The following GSK3A variants were observed in gnomAD, a reference collection of about 807,000 sequenced individuals.
GSK3A encodes glycogen synthase kinase-3 alpha.
Under a neutral mutation model 56.6 loss-of-function variants are expected in GSK3A, and 14 were observed. The observed-to-expected ratio is 0.25, with a 90% CI of 0.16 to 0.39. The LOEUF (loss-of-function observed/expected upper bound fraction) is 0.39. Ranked by LOEUF, GSK3A falls within the 10% of genes least tolerant of loss-of-function variation. The pLI, the probability that GSK3A is intolerant of heterozygous loss-of-function variation, is 1.00. For missense variants in GSK3A, 450 were observed against 656.0 expected (o/e 0.69, Z 3.43); for synonymous variants, 301 against 285.0 (o/e 1.06, Z -0.56).
chr19:42,236,046 C>T (rs1199280187), intron 4 of GSK3A, among the ~76,000 whole-genome samples: 1 of 152,092 alleles, frequency 6.6e-6, no homozygotes, highest in Non-Finnish European at 1.5e-5. Context: ...CTGTTCGCCA[C>T]ATCATCCCTG....
Position 42,233,101 on chromosome 19 carries a change from C to T in GSK3A, c.1098+9G>A, listed in dbSNP as rs2036234936. ...GCCATACTGCCCTGAGCCCCTAGCCCTGCCCCACCTTTGTCCAGGGGTGAG... is the reference window on the plus strand; with the variant it reads ...GCCATACTGCCCTGAGCCCCTAGCCTTGCCCCACCTTTGTCCAGGGGTGAG... On this transcript the variant is annotated intron_variant, in intron 8 of 10. Coordinates refer to ENST00000222330, the MANE Select transcript of GSK3A (RefSeq NM_019884.3). 2 of 1,563,062 alleles carry T rather than the reference C, an allele frequency of 1.3e-6. No individual in the cohort carries two copies. Among genetic ancestry groups the T allele is most frequent in the Non-Finnish European group, 1.7e-6 (2 of 1,148,930 alleles).
At chr19:42,238,136 G>A (rs971678290) in intron 2 of GSK3A, among the ~76,000 whole-genome samples, 1 of 151,978 alleles carries the variant, frequency 6.6e-6, no homozygotes. Flanking sequence ...GAAATCACTT[G>A]AGGCCAGGAG....
At chr19:42,235,002 C>A (rs1472349810) in intron 4 of GSK3A, among the ~76,000 whole-genome samples, 4 of 152,174 alleles carry the variant, frequency 2.6e-5, no homozygotes, top group African/African-American at 9.7e-5. Context: ...TGGTGCACAC[C>A]TGTAATCCCA....
Position 42,232,071 on chromosome 19 carries a change from G to C in GSK3A, c.1364C>G (p.Thr455Ser). Residue 455 changes from threonine to serine, a missense_variant, in exon 10 of 11, where the codon ACC (threonine) becomes AGC (serine). Around this residue, in one of 3 missense-constraint regions of GSK3A, gnomAD observed 113 missense variants for 147.5 expected, o/e 0.77. Coordinates refer to ENST00000222330, the MANE Select transcript of GSK3A (RefSeq NM_019884.3). The part of the protein sequence containing the change: ...LRSPAGTTTL[T>S]PSSQALTETP... Reference sequence around the variant, plus strand: ...TCCCCACTTACCTTGTGAGGACGGGGTGAGGGTGGTAGTGCCCGCTGGGGA... The same window carrying C: ...TCCCCACTTACCTTGTGAGGACGGGCTGAGGGTGGTAGTGCCCGCTGGGGA... 6.2e-7 allele frequency: 1 copy of C among 1,602,784 alleles called. No homozygotes were observed. The highest frequency in any genetic ancestry group is 8.5e-7 in the Non-Finnish European group (1 of 1,170,376).
chr19:42,242,002 G>A (rs765841502), intron 1 of GSK3A, 181 bp downstream of exon 1: 1 of 441,690 alleles, frequency 2.3e-6, no homozygotes, highest in Admixed American at 4.4e-5. Flanking sequence ...GAGTAATTCT[G>A]ATCTCCAAGA....
chr19:42,234,325 C>G lies in GSK3A; in HGVS notation c.904+28G>C. 6.5e-7 allele frequency: 1 copy of G among 1,545,302 alleles called. No homozygotes were observed. The highest frequency in any genetic ancestry group is 8.9e-7 in the Non-Finnish European group (1 of 1,117,824). ...CTCCAAAACTTCCCAGATTGCCACT[C>G]CCCCCGCCACCCTCCCATAACTCTG... On this transcript the variant is annotated intron_variant, in intron 6 of 10. Transcript: ENST00000222330. The surrounding 1 kb of genome is among the most constrained non-coding windows in gnomAD (Gnocchi z 5.7).
At position 42,233,266 on chromosome 19, in the gene GSK3A, AG is replaced by A; in HGVS notation, c.1002+19del. ...CATCCCTCAGCCCCACCCCCTGCCC[AG>A]CCCAGCCCCGCCCCTCACCTTGATG... On this transcript the variant is annotated intron_variant, in intron 7 of 10. Coordinates refer to ENST00000222330, the MANE Select transcript of GSK3A (RefSeq NM_019884.3). 8.0e-6 allele frequency: 3 copies of A among 373,144 alleles called. No homozygotes were observed. Among genetic ancestry groups the A allele is most frequent in the Non-Finnish European group, 1.4e-5 (3 of 220,870 alleles). The allele number at this position is 373,144 out of a possible 1,614,324, so 23.1% of individuals were successfully genotyped here.
intron 3 of GSK3A, 52 bp downstream of exon 3, chr19:42,236,806 G>A: frequency 3.3e-6 from 5 of 1,503,022 alleles, no homozygotes; most frequent in East Asian, 2.3e-5. Flanking sequence ...GGAAAGGCAG[G>A]CAGGCAGGAA....
In GSK3A at chr19:42,240,053, T is replaced by G. The variant is rs1472502410; in HGVS notation, c.373A>C (p.Ile125Leu). The G allele has an allele frequency of 6.2e-7, 1 of 1,614,068 alleles. No homozygotes were observed. ...ACGACCCCAAATGAGCCATTGCCAA[T>G]CACTTTGATGTCCGTGTAAGCCACT... ...QEVAYTDIKV[I>L]GNGSFGVVYQ... Residue 125 changes from isoleucine to leucine, a missense_variant, in exon 2 of 11, where the codon ATT becomes CTT. By Grantham distance (5) the Ile-to-Leu change is conservative. Coordinates refer to ENST00000222330, the MANE Select transcript of GSK3A (RefSeq NM_019884.3).
Position 42,242,225 on chromosome 19 carries a change from C to A in GSK3A, c.241G>T (p.Gly81Cys). Residue 81 changes from glycine (G) to cysteine (C), a missense_variant, in exon 1 of 11, where the codon GGC becomes TGC. This residue lies in a region of GSK3A where 193 missense variants were observed against 200.5 expected (regional missense o/e 0.96). Transcript: ENST00000222330. Reference sequence around the variant, plus strand: ...GGCGGCGGGAAGCTAGTGCCTGCGCCGGGGCCTCCGCTGCCTCCTCCGCCG... The same window carrying A: ...GGCGGCGGGAAGCTAGTGCCTGCGCAGGGGCCTCCGCTGCCTCCTCCGCCG... Reference protein sequence around the residue: ...GSGGGGSGGPGAGTSFPPPGV... With the variant: ...GSGGGGSGGPCAGTSFPPPGV... The A allele has an allele frequency of 6.9e-7, 1 of 1,442,686 alleles. No homozygotes were observed. Among genetic ancestry groups the A allele is most frequent in the Non-Finnish European group, 9.1e-7 (1 of 1,102,620 alleles). The allele number at this position is 1,442,686 out of a possible 1,614,324, so 89.4% of individuals were successfully genotyped here.
chr19:42,231,769 T>C (rs564659556), intron 10 of GSK3A, among the ~76,000 whole-genome samples: 1 of 148,524 alleles, frequency 6.7e-6, no homozygotes, highest in East Asian at 1.9e-4. Flanking sequence ...GAAACTCTAT[T>C]GCACAAAAAA....
chr19:42,237,817 T>C (rs1410526720), intron 2 of GSK3A, among the ~76,000 whole-genome samples: 2 of 151,762 alleles, frequency 1.3e-5, no homozygotes, highest in African/African-American at 4.8e-5. Flanking sequence ...AGGCGGAGCT[T>C]GCAGTGAGCT....
In GSK3A at chr19:42,240,097, C is replaced by A. The variant is rs1285630690; in HGVS notation, c.329G>T (p.Gly110Val). 1 of 1,614,206 alleles carries A rather than the reference C, an allele frequency of 6.2e-7. No individual in the cohort carries two copies. Among genetic ancestry groups the A allele is most frequent in the South Asian group, 1.1e-5 (1 of 91,086 alleles). Reference sequence around the variant, plus strand: ...AGCCACTTCTTGGGAGCGCTCTGGGCCTTGGCCTAGAGTGGCTACGACTGT... The same window carrying A: ...AGCCACTTCTTGGGAGCGCTCTGGGACTTGGCCTAGAGTGGCTACGACTGT... ...VTTVVATLGQGPERSQEVAYT... is the reference protein window; with the variant it reads ...VTTVVATLGQVPERSQEVAYT... The change falls in exon 2 of 11, where the codon GGC (glycine) becomes GTC (valine). Residue 110 changes from glycine to valine, a missense_variant. Around this residue, in one of 3 missense-constraint regions of GSK3A, gnomAD observed 193 missense variants for 200.5 expected, o/e 0.96. Transcript: ENST00000222330.
chr19:42,234,306 A>T lies in GSK3A; in HGVS notation c.904+47T>A. 7.0e-7 allele frequency: 1 copy of T among 1,435,602 alleles called. No individual in the cohort carries two copies. The highest frequency in any genetic ancestry group is 9.8e-7 in the Non-Finnish European group (1 of 1,017,652). 88.9% of individuals were successfully genotyped at this position (1,435,602 alleles called of 1,614,324 possible). On this transcript the variant is annotated intron_variant, in intron 6 of 10. Coordinates refer to ENST00000222330, the MANE Select transcript of GSK3A (RefSeq NM_019884.3). This position sits in a 1 kb window ranked among gnomAD's most constrained non-coding sequence, Gnocchi z 5.7. ...GCATACAGCACACAGAAAACTCCAA[A>T]ACTTCCCAGATTGCCACTCCCCCCG...
chr19:42,237,223 A>G (rs192944742), intron 2 of GSK3A, among the ~76,000 whole-genome samples: 1 of 151,562 alleles, frequency 6.6e-6, no homozygotes, highest in East Asian at 1.9e-4. Context: ...CAGTGGCTCA[A>G]TATCGGCTCA....
chr19:42,233,260 C>CCG, intron 7 of GSK3A, 26 bp downstream of exon 7: 3 of 1,477,630 alleles, frequency 2.0e-6, no homozygotes, highest in South Asian at 1.2e-5. Context: ...GCCCCACCCC[C>CCG]TGCCCAGCCC....
At chr19:42,231,972 TC>T in intron 10 of GSK3A, 84 bp downstream of exon 10, 1 of 696,972 alleles carries the variant, frequency 1.4e-6, no homozygotes, top group African/African-American at 1.8e-5. Context: ...AAAAATACAT[TC>T]AGGAAACCCA....
At chr19:42,240,295 C>A (rs887376291) in intron 1 of GSK3A, 153 bp from the exon 2 acceptor site, 5 of 679,838 alleles carry the variant, frequency 7.4e-6, no homozygotes, top group East Asian at 2.6e-5. Flanking sequence ...GATGCTGGGA[C>A]CTTCCCAGTG....
intron 4 of GSK3A, among the ~76,000 whole-genome samples, chr19:42,235,393 C>T (rs558245130): frequency 6.6e-6 from 1 of 152,328 alleles, no homozygotes; most frequent in Admixed American, 6.5e-5. Flanking sequence ...AAAACCACCC[C>T]TGAGCCTGCC....
Sources: gnomAD v4.1 joint callset for allele counts (sites outside exome capture counted in the v4.1 genomes callset) on GRCh38, gnomAD v4.1.1 for gene constraint, gnomAD v4.1.1 regional missense constraint, Gnocchi (gnomAD v3.1) non-coding constraint, MANE v1.5 for transcripts, NCBI Gene and HGNC (gene_info 2026-07-23, HGNC 2026-07-21) for gene names.